Variants in CHRM2 observed in about 807,000 individuals in gnomAD.
CHRM2 encodes the protein muscarinic acetylcholine receptor M2.
In CHRM2, 8 loss-of-function variants were observed where a neutral mutation model predicts 25.0. The observed-to-expected ratio is 0.32, with a 90% CI of 0.19 to 0.58. The LOEUF is 0.58. Among genes scored for constraint, CHRM2 ranks in the 20% least tolerant of loss-of-function variants. CHRM2 has a pLI of 0.88. For synonymous variants in CHRM2, 202 were observed against 205.7 expected (o/e 0.98, Z 0.15); for missense variants, 440 against 567.1 (o/e 0.78, Z 2.28).
At chr7:136,953,675 A>C (rs1163454332) in intron 2 of CHRM2, among the ~76,000 whole-genome samples, 1 of 152,084 alleles carries the variant, frequency 6.6e-6, no homozygotes, top group Non-Finnish European at 1.5e-5. Context: ...GCTGAAACAG[A>C]CATGCAAACC....
chr7:136,996,269 T>C (rs1803596441), intron 3 of CHRM2, among the ~76,000 whole-genome samples: 1 of 151,924 alleles, frequency 6.6e-6, no homozygotes, highest in South Asian at 2.1e-4. Context: ...TTAAATGATA[T>C]CACAAAAATA....
At position 137,016,973 on chromosome 7, in the gene CHRM2, C is replaced by CT. The variant is rs1191807282; in HGVS notation, c.*710dup. The CT allele has an allele frequency of 6.0e-6, 1 of 166,166 alleles. No individual in the cohort carries two copies. Among genetic ancestry groups the CT allele is most frequent in the Non-Finnish European group, 1.5e-5 (1 of 68,024 alleles). 10.3% of individuals were successfully genotyped at this position (166,166 alleles called of 1,614,324 possible). A position where few individuals can be genotyped will look rare whatever the true frequency, so the allele number is the denominator to read the frequency against. ...TTGTTTATAGGGAAAACCTACAGGA[C>CT]TTTCACTAAAGCTAGCCAGAGACAG... On this transcript the variant is annotated 3_prime_UTR_variant, in exon 4 of 4. Transcript: ENST00000680005.
chr7:136,878,199 T>C (rs754032515), intron 2 of CHRM2, among the ~76,000 whole-genome samples: 32 of 152,082 alleles, frequency 2.1e-4, no homozygotes, highest in Non-Finnish European at 2.1e-4. Context: ...GGTTTCATTT[T>C]AGGGAGAAGA....
chr7:136,911,709 C>G (rs888750291), intron 2 of CHRM2, among the ~76,000 whole-genome samples: 2 of 151,930 alleles, frequency 1.3e-5, no homozygotes, highest in African/African-American at 4.8e-5. Flanking sequence ...AACCTGTTTA[C>G]ATGTCGAATT....
At chr7:136,882,369 T>C (rs1796299494) in intron 2 of CHRM2, among the ~76,000 whole-genome samples, 1 of 151,540 alleles carries the variant, frequency 6.6e-6, no homozygotes, top group South Asian at 2.1e-4. Flanking sequence ...CCTTTCCTCC[T>C]CCTCCCCTTT....
At chr7:137,013,033 A>C (rs2131121337) in intron 3 of CHRM2, among the ~76,000 whole-genome samples, 1 of 151,960 alleles carries the variant, frequency 6.6e-6, no homozygotes, top group South Asian at 2.1e-4. Context: ...TTAATGTCTA[A>C]TTTTTCTTTG....
At chr7:136,938,686 GC>G in intron 2 of CHRM2, 1 of 775,514 alleles carries the variant, frequency 1.3e-6, no homozygotes, top group Non-Finnish European at 2.3e-6. Flanking sequence ...AGGCCCAGGG[GC>G]CAGAGGTGGA....
intron 2 of CHRM2, among the ~76,000 whole-genome samples, chr7:136,974,403 G>A (rs1041176680): frequency 6.6e-6 from 1 of 152,106 alleles, no homozygotes; most frequent in African/African-American, 2.4e-5. Context: ...TGTTACAATG[G>A]AAATACATAA....
Position 137,015,443 on chromosome 7 carries a change from C to T in CHRM2, c.578C>T (p.Ala193Val). Reference sequence around the variant, plus strand: ...GCTGTCACCTTTGGTACGGCTATTGCAGCCTTCTATTTGCCAGTGATCATC... The same window carrying T: ...GCTGTCACCTTTGGTACGGCTATTGTAGCCTTCTATTTGCCAGTGATCATC... Reference protein sequence around the residue: ...NAAVTFGTAIAAFYLPVIIMT... With the variant: ...NAAVTFGTAIVAFYLPVIIMT... The change falls in exon 4 of 4, where the codon GCA becomes GTA. Residue 193 changes from alanine (A) to valine (V), a missense_variant. Around this residue, in one of 5 missense-constraint regions of CHRM2, gnomAD observed 261 missense variants for 261.8 expected, o/e 1.00. Coordinates refer to ENST00000680005, the MANE Select transcript of CHRM2 (RefSeq NM_001006630.2). This position sits in a 1 kb window ranked among gnomAD's most constrained non-coding sequence, Gnocchi z 5.1. 6.2e-7 allele frequency: 1 copy of T among 1,613,368 alleles called. No individual in the cohort carries two copies. Among genetic ancestry groups the T allele is most frequent in the Non-Finnish European group, 8.5e-7 (1 of 1,179,634 alleles).
chr7:136,911,567 A>G (rs1797844854), intron 2 of CHRM2, among the ~76,000 whole-genome samples: 1 of 151,944 alleles, frequency 6.6e-6, no homozygotes, highest in African/African-American at 2.4e-5. Context: ...TCACGTACAT[A>G]CTGGGTTGGA....
intron 2 of CHRM2, among the ~76,000 whole-genome samples, chr7:136,886,269 G>A (rs552485482): frequency 5.9e-5 from 9 of 152,268 alleles, no homozygotes; most frequent in Admixed American, 4.6e-4. Flanking sequence ...TGAAAACACC[G>A]AGTGATAGTT....
At chr7:136,985,504 C>CAAAAAAAAAA (rs974105875) in intron 2 of CHRM2, among the ~76,000 whole-genome samples, 150 of 59,726 alleles carry the variant, frequency 2.5e-3, no homozygotes, top group East Asian at 3.4e-3. Flanking sequence ...AGTTAGACTC[C>CAAAAAAAAAA]AAAAAAAAAA....
At chr7:137,011,215 G>GTGTGTGTGTGTGTGTATATATATA in intron 3 of CHRM2, among the ~76,000 whole-genome samples, 110 of 134,264 alleles carry the variant, frequency 8.2e-4, no homozygotes, top group Non-Finnish European at 1.3e-3. Context: ...GTGTGTGTGT[G>GTGTGTGTGTGTGTGTATATATATA]TATATATATA....
In CHRM2 at chr7:136,938,989, TAATATAATTCCAATTCTA is replaced by T. The variant is rs1236158360; in HGVS notation, c.-124-53196_-124-53179del. Among the ~76,000 whole-genome samples, 5 of 131,776 alleles carry T rather than the reference TAATATAATTCCAATTCTA, an allele frequency of 3.8e-5. No individual in the cohort carries two copies. The Admixed American group carries it at 4.1e-4, about 11-fold the overall frequency. The allele number at this position is 131,776 out of a possible 152,430, so 86.5% of individuals were successfully genotyped here. A position where few individuals can be genotyped will look rare whatever the true frequency, so the allele number is the denominator to read the frequency against. ...GAGTGCTTGTGTAGCCATCAAACAT[TAATATAATTCCAATTCTA>T]AGAGGCAGGATAACTAGAGATTACT... is the stretch of plus-strand genomic sequence containing the variant. On this transcript the variant is annotated intron_variant, in intron 2 of 3. Coordinates refer to ENST00000680005, the MANE Select transcript of CHRM2 (RefSeq NM_001006630.2).
At chr7:136,922,476 T>C (rs550850940) in intron 2 of CHRM2, among the ~76,000 whole-genome samples, 271 of 152,246 alleles carry the variant, frequency 1.8e-3, no homozygotes, top group Non-Finnish European at 3.1e-3. Context: ...AGCTCCTTTA[T>C]ATAACATTCA....
At chr7:136,947,288 G>GA (rs35932713) in intron 2 of CHRM2, among the ~76,000 whole-genome samples, 1 of 151,968 alleles carries the variant, frequency 6.6e-6, no homozygotes, top group African/African-American at 2.4e-5. Flanking sequence ...ATTTGATCTA[G>GA]AAAAAAATAT....
chr7:136,990,700 G>A (rs1268860067), intron 2 of CHRM2, among the ~76,000 whole-genome samples: 1 of 152,102 alleles, frequency 6.6e-6, no homozygotes, highest in Non-Finnish European at 1.5e-5. Context: ...TTTTTGTGTG[G>A]ACATGTTTTT....
In CHRM2 at chr7:136,949,459, T is replaced by TAAAAAAAAAAAAAAAAAAAAA. The variant is rs386411435; in HGVS notation, c.-124-42709_-124-42708insAAAAAAAAAAAAAAAAAAAAA. 2.6e-4 allele frequency among the ~76,000 whole-genome samples: 31 copies of TAAAAAAAAAAAAAAAAAAAAA among 120,822 alleles called. 1 individual carries two copies. Among genetic ancestry groups the TAAAAAAAAAAAAAAAAAAAAA allele is most frequent in the African/African-American group, 9.9e-4 (30 of 30,296 alleles). 79.3% of individuals were successfully genotyped at this position (120,822 alleles called of 152,430 possible). On this transcript the variant is annotated intron_variant, in intron 2 of 3. Transcript: ENST00000680005. ...TAACAAGACCCTGTCTCTGCAAAAC[T>TAAAAAAAAAAAAAAAAAAAAA]AAAAAAAAAAAAAAAAAAATCAGCC...
chr7:136,908,509 C>T (rs1287839979), intron 2 of CHRM2, among the ~76,000 whole-genome samples: 1 of 151,806 alleles, frequency 6.6e-6, no homozygotes, highest in Non-Finnish European at 1.5e-5. Flanking sequence ...ATTTGATCAG[C>T]CTATAAAGTA....
Sources: gnomAD v4.1 joint callset for allele counts (sites outside exome capture counted in the v4.1 genomes callset) on GRCh38, gnomAD v4.1.1 for gene constraint, gnomAD v4.1.1 regional missense constraint, Gnocchi (gnomAD v3.1) non-coding constraint, MANE v1.5 for transcripts, NCBI Gene and HGNC (gene_info 2026-07-23, HGNC 2026-07-21) for gene names.